The following PPP1R12B variants were observed in gnomAD, a reference collection of about 807,000 sequenced individuals.
PPP1R12B encodes myosin phosphatase target subunit 2.
Under a neutral mutation model 126.1 loss-of-function variants are expected in PPP1R12B, and 76 were observed. The observed-to-expected ratio is 0.60, with a 90% confidence interval of 0.50 to 0.73. The LOEUF (loss-of-function observed/expected upper bound fraction) is 0.73, where lower values mean the gene tolerates loss of function less well. Among genes scored for constraint, PPP1R12B ranks in the 30% least tolerant of loss-of-function variants. The probability of loss-of-function intolerance (pLI) is 0.00; values close to 1 mark genes in which losing one functional copy is unlikely to be tolerated. For missense variants in PPP1R12B, 1,052 were observed against 1,205.1 expected, an observed-to-expected ratio of 0.87 and a Z score of 1.88; for synonymous variants, 356 against 434.7, an observed-to-expected ratio of 0.82 and a Z score of 2.25.
chr1:202,587,441 T>C lies in PPP1R12B; in HGVS notation c.*6881T>C, dbSNP rs900590980. ...GGTTTGACTTTTAGGCCCGTATGAC[T>C]CCTCCATAGCCTGGCCAAGGAGACC... is the stretch of plus-strand genomic sequence containing the variant. On this transcript the variant is annotated 3_prime_UTR_variant, in exon 24 of 24. Transcript: ENST00000608999. The C allele has an allele frequency of 6.6e-6, 1 of 152,164 alleles. No homozygotes were observed. Among genetic ancestry groups the C allele is most frequent in the Non-Finnish European group, 1.5e-5 (1 of 68,044 alleles). The allele number at this position is 152,164 out of a possible 1,614,324, so 9.4% of individuals were successfully genotyped here.
chr1:202,437,087 T>C (rs1670925109), intron 9 of PPP1R12B, among the ~76,000 whole-genome samples: 1 of 152,156 alleles, frequency 6.6e-6, no homozygotes, highest in Non-Finnish European at 1.5e-5. Context: ...CACAGCACTT[T>C]GGGAGGCTGA....
chr1:202,539,567 T>C (rs1558348841), intron 18 of PPP1R12B, among the ~76,000 whole-genome samples: 1 of 152,206 alleles, frequency 6.6e-6, no homozygotes, highest in Non-Finnish European at 1.5e-5. Context: ...TTCGTTTTTG[T>C]TTTTTAAGTT....
intron 1 of PPP1R12B, among the ~76,000 whole-genome samples, chr1:202,402,525 G>A (rs1040244520): frequency 6.6e-6 from 1 of 152,176 alleles, no homozygotes; most frequent in Non-Finnish European, 1.5e-5. Context: ...TCTCTAGTGT[G>A]TGTTCTGTTT....
chr1:202,506,002 G>A (rs1572321980), intron 18 of PPP1R12B, among the ~76,000 whole-genome samples: 1 of 152,184 alleles, frequency 6.6e-6, no homozygotes, highest in Non-Finnish European at 1.5e-5. Context: ...CAGTCCTGTG[G>A]TAGCCAGCCT....
At chr1:202,377,398 G>A (rs1276654783) in intron 1 of PPP1R12B, among the ~76,000 whole-genome samples, 1 of 151,690 alleles carries the variant, frequency 6.6e-6, no homozygotes, top group Non-Finnish European at 1.5e-5. Context: ...CGCCTCCCGG[G>A]TTCATGCCAT....
chr1:202,351,194 C>T (rs1298752858), intron 1 of PPP1R12B, among the ~76,000 whole-genome samples: 1 of 150,836 alleles, frequency 6.6e-6, no homozygotes, highest in Non-Finnish European at 1.5e-5. Context: ...ATGTGTGTCT[C>T]CATGACTTGG....
intron 15 of PPP1R12B, among the ~76,000 whole-genome samples, chr1:202,493,783 A>G (rs1394805952): frequency 6.6e-6 from 1 of 152,204 alleles, no homozygotes; most frequent in Non-Finnish European, 1.5e-5. Context: ...CATTTCACAT[A>G]GCCAAGAAGT....
chr1:202,512,165 G>A (rs890460725), intron 18 of PPP1R12B, among the ~76,000 whole-genome samples: 2 of 152,198 alleles, frequency 1.3e-5, no homozygotes, highest in African/African-American at 4.8e-5. Context: ...AAAAGAGCAG[G>A]AATATTTCTT....
chr1:202,374,888 A>C (rs1660914201), intron 1 of PPP1R12B, among the ~76,000 whole-genome samples: 1 of 151,570 alleles, frequency 6.6e-6, no homozygotes. Context: ...TGGGTTACAG[A>C]AACAGTCTGC....
At chr1:202,468,156 T>C (rs1213628000) in intron 13 of PPP1R12B, among the ~76,000 whole-genome samples, 1 of 152,260 alleles carries the variant, frequency 6.6e-6, no homozygotes, top group African/African-American at 2.4e-5. Context: ...TGCAAAACTT[T>C]TCTCCCATTT....
Position 202,434,665 on chromosome 1 carries a change from C to T in PPP1R12B, c.1151C>T (p.Pro384Leu). Residue 384 changes from proline to leucine, a missense_variant, in exon 9 of 24, where the codon CCA becomes CTA. Transcript: ENST00000608999. ...TTGTCTTAAATAACAGATAAAAAGC[C>T]AGAAGCCTTTGTCAATCATTCCAAC... ...SETEKEADKK[P>L]EAFVNHSNSE... 6.2e-7 allele frequency: 1 copy of T among 1,610,570 alleles called. No homozygotes were observed.
chr1:202,433,682 T>C lies in PPP1R12B; in HGVS notation c.1142-974T>C, dbSNP rs182740144. 2.0e-3 allele frequency among the ~76,000 whole-genome samples: 309 copies of C among 152,350 alleles called. 1 individual carries two copies. Among genetic ancestry groups the C allele is most frequent in the Non-Finnish European group, 2.6e-3 (177 of 68,034 alleles). ...ATTCATTTCAGGCCATCAATGCTCA[T>C]TGAGTGATTTCTGTAGAAAACTATA... On this transcript the variant is annotated intron_variant, in intron 8 of 23. Coordinates refer to ENST00000608999, the MANE Select transcript of PPP1R12B (RefSeq NM_002481.4).
chr1:202,550,665 T>C (rs1414132579), intron 18 of PPP1R12B, among the ~76,000 whole-genome samples: 1 of 152,158 alleles, frequency 6.6e-6, no homozygotes, highest in African/African-American at 2.4e-5. Flanking sequence ...TAAATATAGA[T>C]ATTAAATGTG....
Position 202,563,140 on chromosome 1 carries a change from A to T in PPP1R12B, c.2652+218A>T, listed in dbSNP as rs183125316. 1.2e-4 allele frequency among the ~76,000 whole-genome samples: 18 copies of T among 152,280 alleles called. No individual in the cohort carries two copies. The East Asian group carries it at 3.3e-3, about 28-fold the overall frequency. On this transcript the variant is annotated intron_variant, in intron 20 of 23. Coordinates refer to ENST00000608999, the MANE Select transcript of PPP1R12B (RefSeq NM_002481.4). Reference sequence around the variant, plus strand: ...GAGGTGTTTTGTTTTGTTTTTTGAGACAAGGTCTCATTGTTACCCAGGCTA... The same window carrying T: ...GAGGTGTTTTGTTTTGTTTTTTGAGTCAAGGTCTCATTGTTACCCAGGCTA...
chr1:202,446,466 G>C (rs1197090218), intron 12 of PPP1R12B, among the ~76,000 whole-genome samples: 1 of 148,386 alleles, frequency 6.7e-6, no homozygotes, highest in Non-Finnish European at 1.5e-5. Flanking sequence ...TGTTATCCAG[G>C]ATGAGGATGA....
intron 18 of PPP1R12B, among the ~76,000 whole-genome samples, chr1:202,548,800 C>CTATA (rs1685963363): frequency 1.3e-4 from 14 of 104,730 alleles, no homozygotes; most frequent in Non-Finnish European, 2.1e-4. Flanking sequence ...CTCTCTCTCT[C>CTATA]TCTCTCTCTA....
intron 1 of PPP1R12B, among the ~76,000 whole-genome samples, chr1:202,404,626 A>G (rs1244676194): frequency 1.3e-5 from 2 of 151,948 alleles, no homozygotes; most frequent in African/African-American, 2.4e-5. Flanking sequence ...CAGCCTCCTG[A>G]GTAGCTGGGA....
chr1:202,421,041 C>T (rs1454656380), intron 2 of PPP1R12B, among the ~76,000 whole-genome samples: 2 of 142,252 alleles, frequency 1.4e-5, no homozygotes, highest in African/African-American at 2.6e-5. Context: ...CTGCAACCTC[C>T]GCCACCTGGG....
intron 1 of PPP1R12B, among the ~76,000 whole-genome samples, chr1:202,383,091 A>G (rs995423903): frequency 2.0e-4 from 31 of 152,210 alleles, no homozygotes; most frequent in African/African-American, 7.5e-4. Flanking sequence ...TTTCAAGTCA[A>G]TTAAGTTTGC....
Sources: allele counts gnomAD v4.1 joint callset (sites outside exome capture counted in the v4.1 genomes callset), GRCh38; gene constraint gnomAD v4.1.1; transcripts MANE v1.5; gene names NCBI Gene and HGNC (gene_info 2026-07-23, HGNC 2026-07-21).